Variants in RNF38 observed in about 807,000 individuals in gnomAD.
RNF38 encodes the protein ring finger protein 38.
A neutral mutation model predicts 67.2 loss-of-function variants in RNF38; 15 were observed. The ratio of observed to expected loss-of-function variants is 0.22; its 90% CI spans 0.15 to 0.34. RNF38 has a LOEUF of 0.34. RNF38 is among the 10% of genes least tolerant of loss of function. The pLI is 1.00. For missense variants in RNF38, 524 were observed against 639.9 expected (o/e 0.82, Z 1.95); for synonymous variants, 220 against 218.8 (o/e 1.01, Z -0.05).
At chr9:36,395,277 CA>C (rs1210657238) in intron 1 of RNF38, among the ~76,000 whole-genome samples, 2 of 151,816 alleles carry the variant, frequency 1.3e-5, no homozygotes, top group African/African-American at 4.8e-5. Context: ...GACACTGTCC[CA>C]AAACATTTAA....
intron 2 of RNF38, among the ~76,000 whole-genome samples, chr9:36,382,592 A>G (rs1298661057): frequency 6.6e-6 from 1 of 152,262 alleles, no homozygotes; most frequent in Non-Finnish European, 1.5e-5. Flanking sequence ...ATGCTGAGCC[A>G]GACAAACTTT....
chr9:36,469,618 G>A (rs890485340), intron 1 of RNF38, among the ~76,000 whole-genome samples: 3 of 151,982 alleles, frequency 2.0e-5, no homozygotes, highest in African/African-American at 4.8e-5. Context: ...CCAAGATGGC[G>A]CCATTGCACT....
At chr9:36,427,184 C>G (rs951530595) in intron 1 of RNF38, among the ~76,000 whole-genome samples, 2 of 152,120 alleles carry the variant, frequency 1.3e-5, no homozygotes, top group Non-Finnish European at 2.9e-5. Flanking sequence ...CATTTCCTGA[C>G]TCATGGCAAG....
intron 1 of RNF38, among the ~76,000 whole-genome samples, chr9:36,448,752 T>C (rs551130550): frequency 6.6e-6 from 1 of 152,176 alleles, no homozygotes; most frequent in South Asian, 2.1e-4. Context: ...GCCTGTAATC[T>C]CAGCACTTTG....
intron 1 of RNF38, among the ~76,000 whole-genome samples, chr9:36,455,857 G>A (rs1839580480): frequency 6.7e-6 from 1 of 150,182 alleles, no homozygotes; most frequent in Non-Finnish European, 1.5e-5. Context: ...GTTGCAGTGA[G>A]CCGAGACCAC....
intron 1 of RNF38, among the ~76,000 whole-genome samples, chr9:36,479,573 G>A (rs1840199916): frequency 6.6e-6 from 1 of 152,128 alleles, no homozygotes; most frequent in Non-Finnish European, 1.5e-5. Flanking sequence ...AGCAATAACT[G>A]TCTTGAATTG....
At chr9:36,378,657 G>T (rs1037134491) in intron 2 of RNF38, among the ~76,000 whole-genome samples, 2 of 152,110 alleles carry the variant, frequency 1.3e-5, no homozygotes, top group East Asian at 3.9e-4. Flanking sequence ...CACGATAAAG[G>T]TCAAATGACC....
intron 2 of RNF38, among the ~76,000 whole-genome samples, chr9:36,416,380 C>T (rs1331405161): frequency 6.6e-6 from 1 of 152,138 alleles, no homozygotes; most frequent in Non-Finnish European, 1.5e-5. Flanking sequence ...CTCAGTCCCA[C>T]CATGCCCTGA....
intron 1 of RNF38, among the ~76,000 whole-genome samples, chr9:36,448,706 T>A (rs2134325428): frequency 6.6e-6 from 1 of 152,208 alleles, no homozygotes; most frequent in African/African-American, 2.4e-5. Context: ...TATCTCAGGT[T>A]GAAACAGACC....
intron 6 of RNF38, 131 bp downstream of exon 6, chr9:36,356,172 T>C (rs1834091665): frequency 1.1e-6 from 1 of 870,220 alleles, no homozygotes; most frequent in African/African-American, 1.7e-5. Context: ...AGCATGCCAT[T>C]TAAACATAGT....
At chr9:36,349,200 A>G (rs1281451801) in intron 9 of RNF38, among the ~76,000 whole-genome samples, 2 of 152,254 alleles carry the variant, frequency 1.3e-5, no homozygotes, top group Non-Finnish European at 2.9e-5. Flanking sequence ...GAAGATGTAC[A>G]AAGAGATGAA....
intron 1 of RNF38, among the ~76,000 whole-genome samples, chr9:36,435,130 T>C (rs1337822129): frequency 1.3e-5 from 2 of 152,190 alleles, no homozygotes; most frequent in Admixed American, 1.3e-4. Flanking sequence ...GGTACAGATG[T>C]ATAGAAACTG....
At chr9:36,400,282 C>G, upstream of RNF38, 3 of 1,311,806 alleles carry the variant, frequency 2.3e-6, no homozygotes, top group Non-Finnish European at 2.9e-6. Context: ...CAGAGAGGAC[C>G]CTTTCGACCG....
chr9:36,445,255 G>A, intron 1 of RNF38, among the ~76,000 whole-genome samples: 1 of 152,206 alleles, frequency 6.6e-6, no homozygotes, highest in Admixed American at 6.5e-5. Context: ...AGTTGATCAT[G>A]AAATGCTTTC....
intron 4 of RNF38, among the ~76,000 whole-genome samples, chr9:36,358,457 GCACAATTACATATAAAATGT>G (rs1339096077): frequency 1.3e-5 from 2 of 152,136 alleles, no homozygotes; most frequent in Admixed American, 1.3e-4. Flanking sequence ...ACATATGAAA[GCACAATTACATATAAAATGT>G]CACATTTATT....
chr9:36,487,429 G>A, exon 1 of RNF38: 7 of 980,458 alleles, frequency 7.1e-6, no homozygotes, highest in Non-Finnish European at 8.5e-6. Flanking sequence ...GCGGTGGGGG[G>A]CGCGGGCGGC....
Position 36,414,271 on chromosome 9 carries a change from C to G in RNF38, n.312+10342G>C, listed in dbSNP as rs1004455442. ...TAGTATTGAGATGTTAGCTACTATT[C>G]TATTCATCGTTCTCGCTGCTGCCTG... On this transcript the variant is annotated intron_variant and non_coding_transcript_variant, in intron 2 of 3. Transcript: ENST00000488058. Among the ~76,000 whole-genome samples, 62 of 152,294 alleles carry G rather than the reference C, an allele frequency of 4.1e-4. 1 individual carries two copies. The highest frequency in any genetic ancestry group is 1.5e-3 in the African/African-American group (61 of 41,562).
Position 36,400,202 on chromosome 9 carries a change from A to C in RNF38, c.-94T>G. The C allele has an allele frequency of 6.5e-7, 1 of 1,537,556 alleles. No individual in the cohort carries two copies. Among genetic ancestry groups the C allele is most frequent in the Non-Finnish European group, 8.7e-7 (1 of 1,144,182 alleles). On this transcript the variant is annotated 5_prime_UTR_variant, in exon 1 of 12. Transcript: ENST00000259605. Reference sequence around the variant, plus strand: ...CAACCTCTCTCACGCTTCAACCCTGAAAGGAAGAACTTGCATCCCCTGAGA... The same window carrying C: ...CAACCTCTCTCACGCTTCAACCCTGCAAGGAAGAACTTGCATCCCCTGAGA...
chr9:36,404,312 C>A (rs183350596), upstream of RNF38, among the ~76,000 whole-genome samples: 141 of 152,338 alleles, frequency 9.3e-4, no homozygotes, highest in Admixed American at 2.6e-3. Flanking sequence ...TGCTGATCCA[C>A]ACCATCGTCA....
Sources: allele counts gnomAD v4.1 joint callset (sites outside exome capture counted in the v4.1 genomes callset), GRCh38; gene constraint gnomAD v4.1.1; transcripts MANE v1.5; gene names NCBI Gene and HGNC (gene_info 2026-07-23, HGNC 2026-07-21).